The following MED13L variants were observed in gnomAD, a reference collection of about 807,000 sequenced individuals.
MED13L encodes the protein mediator of RNA polymerase II transcription subunit 13-like.
A neutral mutation model predicts 220.9 loss-of-function variants in MED13L; 7 were observed. The observed-to-expected ratio is 0.03, with a 90% confidence interval of 0.02 to 0.06. MED13L has a LOEUF of 0.06. Among genes scored for constraint, MED13L ranks in the 10% least tolerant of loss-of-function variants. The pLI is 1.00. For synonymous variants in MED13L, 1,011 were observed against 1,015.2 expected (o/e 1.00, Z 0.08); for missense variants, 1,965 against 2,760.5 (o/e 0.71, Z 6.46).
At chr12:116,186,364 G>C (rs1453192880) in intron 2 of MED13L, among the ~76,000 whole-genome samples, 4 of 152,166 alleles carry the variant, frequency 2.6e-5, no homozygotes, top group Non-Finnish European at 5.9e-5. Flanking sequence ...ACAGAAAGAA[G>C]CAAAGTTTTC....
chr12:116,095,795 G>C (rs796747869), intron 4 of MED13L, among the ~76,000 whole-genome samples: 5 of 152,228 alleles, frequency 3.3e-5, no homozygotes, highest in African/African-American at 1.2e-4. Flanking sequence ...GGTAGCCAAA[G>C]TAAATTTTAA....
intron 4 of MED13L, among the ~76,000 whole-genome samples, chr12:116,076,157 C>T (rs1258507658): frequency 2.0e-5 from 3 of 152,096 alleles, no homozygotes; most frequent in African/African-American, 7.2e-5. Context: ...TCGTGATCCG[C>T]CCGCCTCGGC....
At chr12:116,276,437 C>T (rs1361304697) in intron 1 of MED13L, 1 of 1,288,620 alleles carries the variant, frequency 7.8e-7, no homozygotes, top group Admixed American at 2.3e-5. Flanking sequence ...CACCTTCCGT[C>T]GGCTCGGTGC....
chr12:116,101,507 T>A (rs1049421049), intron 3 of MED13L, among the ~76,000 whole-genome samples: 1 of 152,194 alleles, frequency 6.6e-6, no homozygotes, highest in African/African-American at 2.4e-5. Flanking sequence ...CTTATGTGTA[T>A]GTATTCTCGC....
intron 1 of MED13L, among the ~76,000 whole-genome samples, chr12:116,239,027 G>A (rs192009125): frequency 1.3e-4 from 20 of 152,122 alleles, no homozygotes; most frequent in Non-Finnish European, 2.5e-4. Context: ...CTTGGAAGGC[G>A]GAGGTTGCAG....
At chr12:116,260,220 C>T (rs1872404445) in intron 1 of MED13L, among the ~76,000 whole-genome samples, 1 of 152,230 alleles carries the variant, frequency 6.6e-6, no homozygotes, top group Non-Finnish European at 1.5e-5. Flanking sequence ...AACCTCCCCA[C>T]ATACGAAGGC....
chr12:116,272,903 G>A (rs1593233665), intron 1 of MED13L, among the ~76,000 whole-genome samples: 2 of 152,164 alleles, frequency 1.3e-5, no homozygotes, highest in South Asian at 4.1e-4. Context: ...CTATTACCGG[G>A]TGGCAATTAT....
chr12:116,137,677 T>C (rs964191285), intron 2 of MED13L, among the ~76,000 whole-genome samples: 3 of 152,054 alleles, frequency 2.0e-5, no homozygotes, highest in Admixed American at 1.3e-4. Flanking sequence ...TATATTCTTA[T>C]ATTGAAGATT....
chr12:115,963,628 C>T, intron 29 of MED13L, 109 bp from the exon 30 acceptor site: 1 of 816,302 alleles, frequency 1.2e-6, no homozygotes. Context: ...CCGTAGAAGT[C>T]AGGGTTTCTG....
intron 17 of MED13L, among the ~76,000 whole-genome samples, chr12:115,987,920 T>C (rs1877807876): frequency 6.6e-6 from 1 of 152,134 alleles, no homozygotes. Context: ...GGGGAGGGAT[T>C]TCTAACCTAA....
chr12:116,250,142 A>G (rs1395139154), intron 1 of MED13L, among the ~76,000 whole-genome samples: 1 of 151,874 alleles, frequency 6.6e-6, no homozygotes, highest in African/African-American at 2.4e-5. Flanking sequence ...TACATTACAT[A>G]AGAAAAAACA....
At position 116,023,733 on chromosome 12, in the gene MED13L, G is replaced by A. The variant is rs550160758; in HGVS notation, c.480-1132C>T. Among the ~76,000 whole-genome samples the A allele has an allele frequency of 1.0e-3, 154 of 152,184 alleles. 1 individual carries two copies. Among genetic ancestry groups the A allele is most frequent in the South Asian group, 4.8e-3 (23 of 4,816 alleles). ...CACCAGTAGGAAACACCCAGTCTTGGTATCTGGGTATTTAACATGACAGAG... is the reference window on the plus strand; with the variant it reads ...CACCAGTAGGAAACACCCAGTCTTGATATCTGGGTATTTAACATGACAGAG... On this transcript the variant is annotated intron_variant, in intron 4 of 30. Transcript: ENST00000281928.
Position 116,000,977 on chromosome 12 carries a change from T to A in MED13L, c.2569+2026A>T, listed in dbSNP as rs1039566657. Among the ~76,000 whole-genome samples the A allele has an allele frequency of 5.9e-5, 9 of 152,222 alleles. No individual in the cohort carries two copies. In the South Asian group the frequency reaches 1.9e-3, roughly 32 times the overall value. On this transcript the variant is annotated intron_variant, in intron 14 of 30. Coordinates refer to ENST00000281928, the MANE Select transcript of MED13L (RefSeq NM_015335.5). ...AAAAAAAGTAAAATATGTACAACCA[T>A]TATATATTACATTTTTATAAAAAAA...
At chr12:115,964,614 T>G (rs1420368871) in intron 29 of MED13L, among the ~76,000 whole-genome samples, 1 of 152,254 alleles carries the variant, frequency 6.6e-6, no homozygotes, top group Non-Finnish European at 1.5e-5. Flanking sequence ...AACACAATTA[T>G]GAACCAAGGA....
intron 4 of MED13L, among the ~76,000 whole-genome samples, chr12:116,054,341 T>C (rs1868769252): frequency 6.6e-6 from 1 of 152,096 alleles, no homozygotes; most frequent in African/African-American, 2.4e-5. Context: ...TTTCTCTTGG[T>C]TTAATATGTG....
intron 2 of MED13L, among the ~76,000 whole-genome samples, chr12:116,195,436 G>A (rs1211037873): frequency 6.6e-6 from 1 of 152,036 alleles, no homozygotes; most frequent in East Asian, 1.9e-4. Flanking sequence ...AAACAGAAAA[G>A]CCTGAAAATA....
At chr12:116,206,626 T>C (rs1181373513) in intron 2 of MED13L, among the ~76,000 whole-genome samples, 2 of 152,278 alleles carry the variant, frequency 1.3e-5, no homozygotes, top group South Asian at 2.1e-4. Flanking sequence ...GTAGCCTTTT[T>C]TTTTCAAACA....
intron 2 of MED13L, among the ~76,000 whole-genome samples, chr12:116,121,194 G>GT (rs1044308346): frequency 6.6e-6 from 1 of 152,096 alleles, no homozygotes; most frequent in Non-Finnish European, 1.5e-5. Flanking sequence ...GTATATAAAT[G>GT]TTTTTTAACA....
intron 27 of MED13L, among the ~76,000 whole-genome samples, chr12:115,970,155 A>G (rs1403500617): frequency 6.6e-6 from 1 of 152,210 alleles, no homozygotes; most frequent in African/African-American, 2.4e-5. Context: ...ATACCTTAAC[A>G]GCTATTCAAA....
Sources: gnomAD v4.1 joint callset for allele counts (sites outside exome capture counted in the v4.1 genomes callset) on GRCh38, gnomAD v4.1.1 for gene constraint, MANE v1.5 for transcripts, NCBI Gene and HGNC (gene_info 2026-07-23, HGNC 2026-07-21) for gene names.